The following MPHOSPH9 variants were observed in gnomAD, a reference collection of about 807,000 sequenced individuals.
MPHOSPH9 encodes M-phase phosphoprotein 9.
A neutral mutation model predicts 145.5 loss-of-function variants in MPHOSPH9; 88 were observed. The observed-to-expected ratio is 0.60, with a 90% CI of 0.51 to 0.72. MPHOSPH9 has a LOEUF of 0.72. Among genes scored for constraint, MPHOSPH9 ranks in the 30% least tolerant of loss-of-function variants. The probability of loss-of-function intolerance (pLI) is 0.00; values close to 1 mark genes in which losing one functional copy is unlikely to be tolerated. For missense variants in MPHOSPH9, 1,238 were observed against 1,386.6 expected (o/e 0.89, Z 1.70); for synonymous variants, 435 against 486.2 (o/e 0.89, Z 1.39).
At chr12:123,234,345 T>C (rs2047796238), upstream of MPHOSPH9, among the ~76,000 whole-genome samples, 1 of 151,226 alleles carries the variant, frequency 6.6e-6, no homozygotes, top group African/African-American at 2.4e-5. Flanking sequence ...TACATCTCAT[T>C]GGAGCTTCCT....
intron 3 of MPHOSPH9, among the ~76,000 whole-genome samples, chr12:123,225,699 G>A (rs987897145): frequency 2.3e-4 from 35 of 152,052 alleles, no homozygotes; most frequent in African/African-American, 8.2e-4. Context: ...AATACATTGT[G>A]GCAATGCCTC....
chr12:123,233,488 A>C (rs892413581), upstream of MPHOSPH9: 11 of 152,254 alleles, frequency 7.2e-5, no homozygotes, highest in Non-Finnish European at 1.3e-4. Flanking sequence ...GGTGATTTGG[A>C]TATCCCTAGA....
At chr12:123,205,885 T>C (rs1222756263) in intron 8 of MPHOSPH9, among the ~76,000 whole-genome samples, 5 of 152,090 alleles carry the variant, frequency 3.3e-5, no homozygotes, top group African/African-American at 1.2e-4. Context: ...GAGCTCAAAA[T>C]TGGCCAAATA....
intron 13 of MPHOSPH9, among the ~76,000 whole-genome samples, chr12:123,188,093 T>G (rs1328875524): frequency 2.6e-5 from 4 of 152,046 alleles, no homozygotes; most frequent in Non-Finnish European, 4.4e-5. Flanking sequence ...GCCATTGCAC[T>G]CCAGCCTGTA....
intron 2 of MPHOSPH9, among the ~76,000 whole-genome samples, chr12:123,228,313 C>T (rs2047505299): frequency 6.6e-6 from 1 of 152,080 alleles, no homozygotes; most frequent in Non-Finnish European, 1.5e-5. Flanking sequence ...TGATATCCTG[C>T]TTTCTTTCAC....
intron 16 of MPHOSPH9, among the ~76,000 whole-genome samples, chr12:123,168,427 C>T (rs948590484): frequency 4.0e-5 from 6 of 150,992 alleles, no homozygotes; most frequent in Admixed American, 2.0e-4. Context: ...CTGCAAGCTC[C>T]GCCTCCCAGG....
chr12:123,164,180 A>G, intron 18 of MPHOSPH9, 90 bp from the exon 19 acceptor site: 1 of 1,448,456 alleles, frequency 6.9e-7, no homozygotes, highest in African/African-American at 1.4e-5. Flanking sequence ...GTGGTTACAC[A>G]TGGTTACACA....
chr12:123,192,778 A>G (rs1449445401), intron 13 of MPHOSPH9, among the ~76,000 whole-genome samples: 1 of 151,874 alleles, frequency 6.6e-6, no homozygotes, highest in Admixed American at 6.6e-5. Flanking sequence ...CATTGATTAT[A>G]TATCACACCA....
At position 123,202,870 on chromosome 12, in the gene MPHOSPH9, T is replaced by C; in HGVS notation, c.1535A>G (p.His512Arg). The stretch of plus-strand genomic sequence containing the variant: ...AGAGTCCACCGGAGAAGCTTTTGTG[T>C]GTGAGGGATATTTTGGAAATCCAGG... Reference protein sequence around the residue: ...QLPGFPKYPSHTKASPVDSWK... With the variant: ...QLPGFPKYPSRTKASPVDSWK... The change falls in exon 10 of 24, where the codon CAC becomes CGC. Residue 512 changes from histidine to arginine, a missense_variant. His to Arg is a conservative substitution (Grantham distance 29). This residue lies in a region of MPHOSPH9 where 837 missense variants were observed against 897.5 expected (regional missense o/e 0.93). Coordinates refer to ENST00000606320, the MANE Select transcript of MPHOSPH9 (RefSeq NM_022782.4). 1 of 1,614,110 alleles carries C rather than the reference T, an allele frequency of 6.2e-7. No homozygotes were observed.
chr12:123,182,895 C>G (rs1007169372), intron 13 of MPHOSPH9, among the ~76,000 whole-genome samples: 2 of 150,998 alleles, frequency 1.3e-5, no homozygotes, highest in African/African-American at 4.9e-5. Flanking sequence ...GCCTGGGTGA[C>G]AGAGTGACAT....
At chr12:123,199,546 C>T (rs943266783) in intron 11 of MPHOSPH9, among the ~76,000 whole-genome samples, 5 of 151,878 alleles carry the variant, frequency 3.3e-5, no homozygotes, top group African/African-American at 7.3e-5. Context: ...TTTGAGAGGC[C>T]GAGGCCGGTG....
upstream of MPHOSPH9, among the ~76,000 whole-genome samples, chr12:123,236,915 C>T (rs2047860274): frequency 6.6e-6 from 1 of 151,918 alleles, no homozygotes; most frequent in Non-Finnish European, 1.5e-5. Context: ...GAATCCCCAT[C>T]TCTACTAAAA....
chr12:123,234,713 T>C (rs1482191856), upstream of MPHOSPH9, among the ~76,000 whole-genome samples: 1 of 152,194 alleles, frequency 6.6e-6, no homozygotes, highest in African/African-American at 2.4e-5. Flanking sequence ...AAAGGGTAAA[T>C]TTGATGTTAT....
intron 1 of MPHOSPH9, among the ~76,000 whole-genome samples, chr12:123,231,490 T>C (rs1447207128): frequency 2.0e-5 from 3 of 152,200 alleles, no homozygotes; most frequent in South Asian, 2.1e-4. Flanking sequence ...TTTTGAACTA[T>C]ATATATGGTC....
intron 8 of MPHOSPH9, among the ~76,000 whole-genome samples, chr12:123,208,492 G>A (rs182512227): frequency 1.0e-4 from 14 of 138,654 alleles, no homozygotes; most frequent in African/African-American, 3.1e-4. Flanking sequence ...AGCCAAGATC[G>A]CACCACTGCA....
chr12:123,218,426 A>G lies in MPHOSPH9; in HGVS notation c.946T>C (p.Ser316Pro). Residue 316 changes from serine (S) to proline (P), a missense_variant, in exon 6 of 24, where the codon TCA (serine) becomes CCA (proline). By Grantham distance (74) the Ser-to-Pro change is moderately conservative (BLOSUM62 -1). Around this residue, in one of 3 missense-constraint regions of MPHOSPH9, gnomAD observed 837 missense variants for 897.5 expected, o/e 0.93. Transcript: ENST00000606320. Reference protein sequence around the residue: ...PKRAHVEDGGSRSKQGNEQSK... With the variant: ...PKRAHVEDGGPRSKQGNEQSK... The stretch of plus-strand genomic sequence containing the variant: ...TGCTCATTTCCTTGTTTAGATCTTG[A>G]ACCTCCATCTTCTACATGTGCTCTC... The G allele has an allele frequency of 1.2e-6, 2 of 1,614,008 alleles. No individual in the cohort carries two copies. The highest frequency in any genetic ancestry group is 1.7e-6 in the Non-Finnish European group (2 of 1,179,922).
At chr12:123,222,201 T>C (rs2047231223) in intron 4 of MPHOSPH9, among the ~76,000 whole-genome samples, 1 of 151,796 alleles carries the variant, frequency 6.6e-6, no homozygotes, top group African/African-American at 2.4e-5. Flanking sequence ...GGTGCGCATC[T>C]GTAATTCCAG....
intron 6 of MPHOSPH9, among the ~76,000 whole-genome samples, chr12:123,217,182 T>C (rs1437965850): frequency 4.6e-5 from 7 of 151,994 alleles, no homozygotes; most frequent in Admixed American, 4.6e-4. Context: ...TGGATTATAA[T>C]TCAGAACTGT....
At chr12:123,172,394 G>A (rs2044622617) in intron 16 of MPHOSPH9, among the ~76,000 whole-genome samples, 1 of 151,568 alleles carries the variant, frequency 6.6e-6, no homozygotes, top group South Asian at 2.1e-4. Flanking sequence ...ATGCAGTGGT[G>A]TAATCTTGGC....
Sources: gnomAD v4.1 joint callset for allele counts (sites outside exome capture counted in the v4.1 genomes callset) on GRCh38, gnomAD v4.1.1 for gene constraint, gnomAD v4.1.1 regional missense constraint, MANE v1.5 for transcripts, NCBI Gene and HGNC (gene_info 2026-07-23, HGNC 2026-07-21) for gene names.